JAK1: variants seen among roughly 807,000 people sequenced by gnomAD.
JAK1 encodes the protein tyrosine-protein kinase JAK1.
Under a neutral mutation model 136.6 loss-of-function variants are expected in JAK1, and 16 were observed. The ratio of observed to expected loss-of-function variants is 0.12; its 90% CI spans 0.08 to 0.18. The LOEUF is 0.18. JAK1 is among the 10% of genes least tolerant of loss of function. The pLI, the probability that JAK1 is intolerant of heterozygous loss-of-function variation, is 1.00. For missense variants in JAK1, 859 were observed against 1,450.1 expected (o/e 0.59, Z 6.62); for synonymous variants, 492 against 519.5 (o/e 0.95, Z 0.72).
intron 1 of JAK1, among the ~76,000 whole-genome samples, chr1:64,899,921 T>G (rs1222736777): frequency 6.6e-6 from 1 of 152,222 alleles, no homozygotes; most frequent in African/African-American, 2.4e-5. Flanking sequence ...CATGTAATCC[T>G]AAAGAAACGG....
chr1:65,038,104 A>G (rs1647092667), intron 2 of JAK1, among the ~76,000 whole-genome samples: 1 of 152,074 alleles, frequency 6.6e-6, no homozygotes. Flanking sequence ...CCGGGTGCAC[A>G]ACCTGTGCAA....
chr1:64,842,953 G>C (rs140417516), intron 17 of JAK1, among the ~76,000 whole-genome samples: 29 of 152,102 alleles, frequency 1.9e-4, no homozygotes, highest in African/African-American at 6.7e-4. Context: ...CCGGACATGG[G>C]GCTCCCATTG....
chr1:64,907,009 A>AT (rs926461229), intron 1 of JAK1, among the ~76,000 whole-genome samples: 4 of 151,960 alleles, frequency 2.6e-5, no homozygotes, highest in Admixed American at 6.6e-5. Flanking sequence ...AAGCACAAAA[A>AT]AAAAAAAAAG....
chr1:64,982,201 C>A (rs537099387), intron 2 of JAK1, among the ~76,000 whole-genome samples: 27 of 152,090 alleles, frequency 1.8e-4, no homozygotes, highest in Non-Finnish European at 3.7e-4. Flanking sequence ...TTGAAGATTT[C>A]GAGTGTTAAG....
chr1:64,898,811 T>C (rs115815294), intron 1 of JAK1, among the ~76,000 whole-genome samples: 1 of 152,208 alleles, frequency 6.6e-6, no homozygotes, highest in Non-Finnish European at 1.5e-5. Context: ...TGAACATTTC[T>C]GGGCCTGGCC....
rs369461559 is a variant in JAK1 at position 64,844,725 on chromosome 1, G to A, written c.2251+29C>T. ...GCTGACTTGCCCCTGACTCGGGGTG[G>A]GGCCAGAGGGAAGAGAGGGGAGACA... On this transcript the variant is annotated intron_variant, in intron 16 of 24. Coordinates refer to ENST00000342505, the MANE Select transcript of JAK1 (RefSeq NM_002227.4). This position sits in a 1 kb window ranked among gnomAD's most constrained non-coding sequence, Gnocchi z 5.7. 54 of 1,613,658 alleles carry A rather than the reference G, an allele frequency of 3.3e-5. 1 individual carries two copies. The South Asian group carries it at 4.6e-4, about 14-fold the overall frequency.
chr1:64,844,880 C>G lies in JAK1; in HGVS notation c.2125G>C (p.Asp709His). ...GTACACACATTTCCATGGACCAGGT[C>G]TTTATCCTCCTGCAGAGTAAAAAGG... is the stretch of plus-strand genomic sequence containing the variant. Reference protein sequence around the residue: ...ASALSYLEDKDLVHGNVCTKN... With the variant: ...ASALSYLEDKHLVHGNVCTKN... The change falls in exon 16 of 25, where the codon GAC becomes CAC. Residue 709 changes from aspartate (D) to histidine (H), a missense_variant. Around this residue, in one of 4 missense-constraint regions of JAK1, gnomAD observed 409 missense variants for 753.8 expected, o/e 0.54. Transcript: ENST00000342505. This position sits in a 1 kb window ranked among gnomAD's most constrained non-coding sequence, Gnocchi z 5.7. 6.2e-7 allele frequency: 1 copy of G among 1,614,206 alleles called. No individual in the cohort carries two copies. The highest frequency in any genetic ancestry group is 8.5e-7 in the Non-Finnish European group (1 of 1,180,030).
At chr1:64,881,579 C>T (rs1457823254) in intron 3 of JAK1, among the ~76,000 whole-genome samples, 1 of 152,176 alleles carries the variant, frequency 6.6e-6, no homozygotes. Context: ...CTGTGGCATT[C>T]AGTATGTATT....
intron 2 of JAK1, among the ~76,000 whole-genome samples, chr1:65,025,817 A>G (rs1360742667): frequency 6.6e-6 from 1 of 152,154 alleles, no homozygotes; most frequent in African/African-American, 2.4e-5. Context: ...AGCTGTGACT[A>G]TAGGTGCATA....
chr1:64,846,281 G>A (rs1029918453), intron 14 of JAK1, among the ~76,000 whole-genome samples: 20 of 152,026 alleles, frequency 1.3e-4, no homozygotes, highest in Non-Finnish European at 8.8e-5. Context: ...CAGTCCATTC[G>A]AGGAGCCAGC....
At chr1:64,899,328 T>C (rs1557675210) in intron 1 of JAK1, among the ~76,000 whole-genome samples, 1 of 152,244 alleles carries the variant, frequency 6.6e-6, no homozygotes, top group Non-Finnish European at 1.5e-5. Context: ...TCAGTAAAGT[T>C]GGTGTTATAC....
At chr1:65,057,070 T>C (rs1166846883) in intron 1 of JAK1, among the ~76,000 whole-genome samples, 3 of 152,122 alleles carry the variant, frequency 2.0e-5, no homozygotes, top group Non-Finnish European at 4.4e-5. Flanking sequence ...TTTGGGTTCC[T>C]ACACCAGTCA....
Position 64,963,023 on chromosome 1 carries a change from G to A in JAK1, c.-78+3310C>T, listed in dbSNP as rs550591043. Among the ~76,000 whole-genome samples, 4 of 152,314 alleles carry A rather than the reference G, an allele frequency of 2.6e-5. No individual in the cohort carries two copies. In the South Asian group the frequency reaches 8.3e-4, roughly 32 times the overall value. On this transcript the variant is annotated intron_variant, in intron 1 of 24. Coordinates refer to ENST00000342505, the MANE Select transcript of JAK1 (RefSeq NM_002227.4). ...GGAGGCAGAGGTTGCAGTGAGCCTAGACTGTGCCACTGCATTCCAGACTGG... is the reference window on the plus strand; with the variant it reads ...GGAGGCAGAGGTTGCAGTGAGCCTAAACTGTGCCACTGCATTCCAGACTGG...
chr1:64,966,070 C>T (rs1378277125), intron 1 of JAK1, among the ~76,000 whole-genome samples: 3 of 151,900 alleles, frequency 2.0e-5, no homozygotes, highest in Non-Finnish European at 4.4e-5. Context: ...GGGGAGGGGG[C>T]GGCCTGGCTT....
intron 4 of JAK1, among the ~76,000 whole-genome samples, chr1:64,874,801 G>T (rs1417604871): frequency 1.3e-5 from 2 of 152,138 alleles, no homozygotes; most frequent in Non-Finnish European, 2.9e-5. Flanking sequence ...TTCAACAACT[G>T]TCACTGTGCT....
intron 2 of JAK1, among the ~76,000 whole-genome samples, chr1:64,999,073 G>A (rs1395084999): frequency 6.6e-6 from 1 of 151,952 alleles, no homozygotes; most frequent in Non-Finnish European, 1.5e-5. Context: ...CCTATCTTTT[G>A]TTTTCTCTCC....
intron 12 of JAK1, among the ~76,000 whole-genome samples, chr1:64,849,434 G>A (rs568208627): frequency 4.9e-4 from 74 of 152,280 alleles, no homozygotes; most frequent in Admixed American, 9.8e-4. Flanking sequence ...AGGCTCAAGC[G>A]ATCCTCCCGC....
At chr1:64,940,201 A>G (rs1381908033) in intron 1 of JAK1, among the ~76,000 whole-genome samples, 1 of 152,242 alleles carries the variant, frequency 6.6e-6, no homozygotes, top group Non-Finnish European at 1.5e-5. Flanking sequence ...TTACTATGGA[A>G]CAAATACACC....
chr1:64,842,044 A>C (rs990172223), intron 17 of JAK1, among the ~76,000 whole-genome samples: 1 of 152,234 alleles, frequency 6.6e-6, no homozygotes, highest in Non-Finnish European at 1.5e-5. Context: ...GCCAAATATA[A>C]AATTAGTCAA....
Sources: allele counts gnomAD v4.1 joint callset (sites outside exome capture counted in the v4.1 genomes callset), GRCh38; gene constraint gnomAD v4.1.1; regional missense constraint gnomAD v4.1.1; non-coding constraint Gnocchi (gnomAD v3.1); transcripts MANE v1.5; gene names NCBI Gene and HGNC (gene_info 2026-07-23, HGNC 2026-07-21).